Variants in CA10 observed in about 807,000 individuals in gnomAD.
The protein encoded by CA10 is carbonic anhydrase-related protein 10.
In CA10, 14 loss-of-function variants were observed where a neutral mutation model predicts 44.2. The ratio of observed to expected loss-of-function variants is 0.32; its 90% CI spans 0.21 to 0.50. CA10 has a LOEUF of 0.50. Among genes scored for constraint, CA10 ranks in the 20% least tolerant of loss-of-function variants. The probability of loss-of-function intolerance (pLI) is 0.99; values close to 1 mark genes in which losing one functional copy is unlikely to be tolerated. For missense variants in CA10, 350 were observed against 409.7 expected, an observed-to-expected ratio of 0.85 and a Z score of 1.26; for synonymous variants, 159 against 141.6, an observed-to-expected ratio of 1.12 and a Z score of -0.87.
intron 3 of CA10, among the ~76,000 whole-genome samples, chr17:51,778,459 T>C (rs1001439339): frequency 6.6e-6 from 1 of 152,194 alleles, no homozygotes; most frequent in Admixed American, 6.5e-5. Context: ...GATAGCTTTC[T>C]AAGGATAAGG....
Position 51,633,588 on chromosome 17 carries a change from G to A in CA10, c.852C>T (p.Asp284=). Residue 284 remains aspartate (D), a synonymous_variant, in exon 8 of 9, where the codon GAC becomes GAT. Transcript: ENST00000451037. Reference sequence around the variant, plus strand: ...TGAGTGGCTGGACAGGCCTGAAGTTGTCACTCATGCTCAGAAAGATCTGAG... The same window carrying A: ...TGAGTGGCTGGACAGGCCTGAAGTTATCACTCATGCTCAGAAAGATCTGAG... ...QPSQIFLSMS[D]NFRPVQPLNN... is the part of the protein sequence containing the mutation. 1 of 1,613,914 alleles carries A rather than the reference G, an allele frequency of 6.2e-7. No individual in the cohort carries two copies. Among genetic ancestry groups the A allele is most frequent in the Non-Finnish European group, 8.5e-7 (1 of 1,179,888 alleles).
At chr17:51,884,402 G>T (rs750196173) in intron 3 of CA10, among the ~76,000 whole-genome samples, 47 of 152,202 alleles carry the variant, frequency 3.1e-4, no homozygotes, top group Non-Finnish European at 7.4e-5. Flanking sequence ...CAGCCTCCAA[G>T]CTTTCTCTAG....
At chr17:52,090,698 C>T (rs1219947873) in intron 1 of CA10, among the ~76,000 whole-genome samples, 1 of 152,058 alleles carries the variant, frequency 6.6e-6, no homozygotes, top group African/African-American at 2.4e-5. Flanking sequence ...TCCTCTTTGT[C>T]CTAAACCTAA....
At chr17:51,822,423 A>G (rs1009425702) in intron 3 of CA10, among the ~76,000 whole-genome samples, 2 of 134,646 alleles carry the variant, frequency 1.5e-5, no homozygotes, top group African/African-American at 7.1e-5. Context: ...TCAAAAAAAC[A>G]AAACAAAAAC....
At chr17:51,846,457 G>A (rs1296223287) in intron 3 of CA10, among the ~76,000 whole-genome samples, 2 of 152,192 alleles carry the variant, frequency 1.3e-5, no homozygotes, top group South Asian at 2.1e-4. Context: ...GTTGCACAAT[G>A]ATCTAAGTGC....
chr17:51,705,518 G>T (rs1213046148), intron 4 of CA10, among the ~76,000 whole-genome samples: 1 of 152,072 alleles, frequency 6.6e-6, no homozygotes, highest in African/African-American at 2.4e-5. Context: ...GCATTCGTCT[G>T]AACAAACATG....
chr17:51,754,398 GTGATATATATAT>G (rs1404480190), intron 3 of CA10, among the ~76,000 whole-genome samples: 1 of 96,484 alleles, frequency 1.0e-5, no homozygotes, highest in African/African-American at 4.0e-5. Context: ...CTGTGTGTGT[GTGATATATATAT>G]ATATATATAT....
intron 4 of CA10, among the ~76,000 whole-genome samples, chr17:51,703,703 T>G (rs553131833): frequency 6.0e-4 from 92 of 152,320 alleles, no homozygotes; most frequent in Non-Finnish European, 1.1e-3. Context: ...AAGGATGGGC[T>G]CCTGAGGAAA....
chr17:52,058,356 A>G (rs779431716), intron 2 of CA10, among the ~76,000 whole-genome samples: 75 of 152,176 alleles, frequency 4.9e-4, no homozygotes, highest in Admixed American at 2.6e-4. Context: ...TTTTATTTTT[A>G]CAAAAATGTT....
rs954621426 is a variant in CA10 at position 51,967,330 on chromosome 17, G to GGA, written c.137-36200_137-36199dup. The stretch of plus-strand genomic sequence containing the variant: ...CAATTCAGTCAACAATTCCATTACT[G>GGA]GAGATATATATATATATATATGAAT... On this transcript the variant is annotated intron_variant, in intron 2 of 8. Coordinates refer to ENST00000451037, the MANE Select transcript of CA10 (RefSeq NM_020178.5). Among the ~76,000 whole-genome samples the GGA allele has an allele frequency of 3.1e-4, 14 of 45,488 alleles. No individual in the cohort carries two copies. In the South Asian group the frequency reaches 4.0e-3, roughly 13 times the overall value. 29.8% of individuals were successfully genotyped at this position (45,488 alleles called of 152,430 possible). A position where few individuals can be genotyped will look rare whatever the true frequency, so the allele number is the denominator to read the frequency against.
At chr17:52,110,666 C>T (rs909683714) in intron 1 of CA10, among the ~76,000 whole-genome samples, 5 of 152,156 alleles carry the variant, frequency 3.3e-5, no homozygotes, top group Non-Finnish European at 5.9e-5. Context: ...AGCCTGATCC[C>T]ACAGGGAGGT....
At position 51,807,295 on chromosome 17, in the gene CA10, C is replaced by T. The variant is rs181477644; in HGVS notation, c.280-59477G>A. 4.4e-3 allele frequency among the ~76,000 whole-genome samples: 669 copies of T among 152,224 alleles called. 7 individuals carry two copies. The highest frequency in any genetic ancestry group is 7.1e-3 in the South Asian group (34 of 4,814). ...TATTTTATAGATAATGAAACTGAGG[C>T]CCACAGAAATGAAAGGACTTTCTTT... On this transcript the variant is annotated intron_variant, in intron 3 of 8. Coordinates refer to ENST00000451037, the MANE Select transcript of CA10 (RefSeq NM_020178.5).
chr17:52,015,359 G>C (rs553078406), intron 2 of CA10, among the ~76,000 whole-genome samples: 42 of 152,054 alleles, frequency 2.8e-4, no homozygotes, highest in Non-Finnish European at 5.9e-4. Context: ...TTGCCTTTTA[G>C]CTCCTTAAAA....
intron 1 of CA10, among the ~76,000 whole-genome samples, chr17:52,087,154 T>G (rs1404743863): frequency 1.3e-5 from 2 of 152,200 alleles, no homozygotes; most frequent in Non-Finnish European, 2.9e-5. Context: ...AATTAATTAA[T>G]TTTTGAGACA....
chr17:51,904,352 A>T (rs1341529640), intron 3 of CA10, among the ~76,000 whole-genome samples: 3 of 151,974 alleles, frequency 2.0e-5, no homozygotes, highest in African/African-American at 7.2e-5. Flanking sequence ...TGGCTCATCT[A>T]TCCAAACCCC....
At chr17:52,133,959 A>T (rs1989296460) in intron 1 of CA10, among the ~76,000 whole-genome samples, 1 of 152,142 alleles carries the variant, frequency 6.6e-6, no homozygotes, top group East Asian at 1.9e-4. Context: ...AGGAAGTGAG[A>T]TCTATAAAGG....
At chr17:51,682,388 G>T (rs140249100) in intron 4 of CA10, among the ~76,000 whole-genome samples, 1 of 152,328 alleles carries the variant, frequency 6.6e-6, no homozygotes, top group East Asian at 1.9e-4. Context: ...TTATCTCAGG[G>T]GATGTGGTTT....
intron 4 of CA10, among the ~76,000 whole-genome samples, chr17:51,729,186 C>T (rs1916627887): frequency 6.6e-6 from 1 of 152,160 alleles, no homozygotes; most frequent in Non-Finnish European, 1.5e-5. Flanking sequence ...CTACACCTTG[C>T]TATTCCTCAA....
intron 3 of CA10, among the ~76,000 whole-genome samples, chr17:51,868,308 G>T (rs1261362277): frequency 6.6e-6 from 1 of 152,066 alleles, no homozygotes; most frequent in African/African-American, 2.4e-5. Flanking sequence ...TTCTCATAAT[G>T]CTCAAATTAT....
Sources: allele counts gnomAD v4.1 joint callset (sites outside exome capture counted in the v4.1 genomes callset), GRCh38; gene constraint gnomAD v4.1.1; transcripts MANE v1.5; gene names NCBI Gene and HGNC (gene_info 2026-07-23, HGNC 2026-07-21).